RNF213: variants seen among roughly 807,000 people sequenced by gnomAD.
RNF213 encodes the protein ring finger protein 213.
In RNF213, 341 loss-of-function variants were observed where a neutral mutation model predicts 514.4. The ratio of observed to expected loss-of-function variants is 0.66; its 90% CI spans 0.61 to 0.73. The LOEUF (loss-of-function observed/expected upper bound fraction) is 0.73, where lower values mean the gene tolerates loss of function less well. Ranked by LOEUF, RNF213 falls within the 30% of genes least tolerant of loss-of-function variation. The pLI is 0.00. For synonymous variants in RNF213, 2,655 were observed against 2,658.2 expected (o/e 1.00, Z 0.04); for missense variants, 5,767 against 6,615.6 (o/e 0.87, Z 4.45).
At chr17:80,281,800 A>G (rs545792551) in intron 3 of RNF213, among the ~76,000 whole-genome samples, 3 of 152,292 alleles carry the variant, frequency 2.0e-5, no homozygotes, top group South Asian at 4.1e-4. Flanking sequence ...AGTCCCAGAT[A>G]TGAAACGGCG....
At chr17:80,328,010 C>T (rs762852403) in intron 19 of RNF213, 21 bp downstream of exon 19, 44 of 1,536,938 alleles carry the variant, frequency 2.9e-5, no homozygotes, top group Admixed American at 3.9e-5. Context: ...AGTCGATACG[C>T]ACTTCAGGCT....
chr17:80,319,129 C>T, intron 16 of RNF213, 61 bp from the exon 17 acceptor site: 1 of 1,613,744 alleles, frequency 6.2e-7, no homozygotes, highest in Non-Finnish European at 8.5e-7. Context: ...ATTTTCATCC[C>T]ATAGAGCACT....
intron 15 of RNF213, chr17:80,316,429 GAA>G (rs1568061204): frequency 6.6e-6 from 1 of 152,192 alleles, no homozygotes; most frequent in Admixed American, 6.5e-5. Flanking sequence ...AAAGAAAAAA[GAA>G]AAAAATGACC....
Position 80,379,689 on chromosome 17 carries a change from C to T in RNF213, c.13615C>T (p.Pro4539Ser), listed in dbSNP as rs1415521188. ...GCCGATTGGAGGCATTGACCACAAA[C>T]CTCGGGACGGCTTTCATCTGGTCAA... ...HAPIGGIDHKPRDGFHLVKDK... is the reference protein window; with the variant it reads ...HAPIGGIDHKSRDGFHLVKDK... The change falls in exon 55 of 68, where the codon CCT (proline) becomes TCT (serine). Residue 4539 changes from proline (P) to serine (S), a missense_variant. By Grantham distance (74) the Pro-to-Ser change is moderately conservative. This residue lies in a region of RNF213 where 1,245 missense variants were observed against 1,339.0 expected (regional missense o/e 0.93). Transcript: ENST00000582970. 5 of 1,614,210 alleles carry T rather than the reference C, an allele frequency of 3.1e-6. No homozygotes were observed. The highest frequency in any genetic ancestry group is 1.1e-5 in the South Asian group (1 of 91,092).
rs1322391803 is a variant in RNF213, at chr17:80,319,699, A to G, written c.3024+387A>G. ...AAGAGACTCCAAAGGTTGACAGAAC[A>G]TTTATGGAAGCAAAATATGTGAAAT... On this transcript the variant is annotated intron_variant, in intron 17 of 67. Transcript: ENST00000582970. 14 of 1,430,358 alleles carry G rather than the reference A, an allele frequency of 9.8e-6. No individual in the cohort carries two copies. The East Asian group carries it at 2.0e-4, about 21-fold the overall frequency. 88.6% of individuals were successfully genotyped at this position (1,430,358 alleles called of 1,614,324 possible). A position where few individuals can be genotyped will look rare whatever the true frequency, so the allele number is the denominator to read the frequency against.
chr17:80,335,854 G>A (rs940000228), intron 22 of RNF213, among the ~76,000 whole-genome samples: 1 of 151,858 alleles, frequency 6.6e-6, no homozygotes, highest in African/African-American at 2.4e-5. Flanking sequence ...GTGGGCGCCA[G>A]TAATCCCAGC....
intron 16 of RNF213, among the ~76,000 whole-genome samples, 169 bp from the exon 17 acceptor site, chr17:80,319,021 A>C (rs2046046146): frequency 6.6e-6 from 1 of 152,160 alleles, no homozygotes; most frequent in African/African-American, 2.4e-5. Context: ...CCTTTGGTCT[A>C]CTGGTGGGGG....
Position 80,332,447 on chromosome 17 carries a change from A to G in RNF213, c.3959A>G (p.Glu1320Gly), listed in dbSNP as rs779968162. The G allele has an allele frequency of 1.3e-6, 2 of 1,537,148 alleles. No individual in the cohort carries two copies. Among genetic ancestry groups the G allele is most frequent in the South Asian group, 2.4e-5 (2 of 84,066 alleles). ...FVNKYTDLDS[E>G]LKIMCTVDHQ... is the part of the protein sequence containing the mutation. ...AATAAATACACGGACCTGGATTCAG[A>G]ACTTAAGATCATGTGCACCGTGGAC... The change falls in exon 21 of 68, where the codon GAA (glutamate) becomes GGA (glycine). Residue 1320 changes from glutamate to glycine, a missense_variant. Transcript: ENST00000582970.
rs764615402 is a variant in RNF213, at chr17:80,353,759, C to T, written c.10578+93C>T. The T allele has an allele frequency of 2.4e-5, 37 of 1,539,840 alleles. No individual in the cohort carries two copies. The highest frequency in any genetic ancestry group is 1.5e-4 in the Admixed American group (9 of 59,442). On this transcript the variant is annotated intron_variant, in intron 34 of 67. Transcript: ENST00000582970. The surrounding 1 kb of genome is among the most constrained non-coding windows in gnomAD (Gnocchi z 5.0). ...CTTTTGCATTGGGAGCTAGAGGAGT[C>T]GCCGCCGCTGTGCAGGGGTGAGGAT...
Position 80,381,727 on chromosome 17 carries a change from A to G in RNF213, c.13978A>G (p.Arg4660Gly). The change falls in exon 57 of 68, where the codon AGG becomes GGG. Residue 4660 changes from arginine (R) to glycine (G), a missense_variant and splice_region_variant. By Grantham distance (125) the Arg-to-Gly change is moderately radical (BLOSUM62 -2). Around this residue, in one of 13 missense-constraint regions of RNF213, gnomAD observed 1,245 missense variants for 1,339.0 expected, o/e 0.93. Transcript: ENST00000582970. ...AGAGCAGCACCAGCTCTCTAGCAGA[A>G]GTGAGGAAAGGGGCAAGGGCTGGGC... is the stretch of plus-strand genomic sequence containing the variant. Reference protein sequence around the residue: ...LQEQHQLSSRRLLNFDTELST... With the variant: ...LQEQHQLSSRGLLNFDTELST... 1 of 1,612,996 alleles carries G rather than the reference A, an allele frequency of 6.2e-7. No homozygotes were observed. Among genetic ancestry groups the G allele is most frequent in the Non-Finnish European group, 8.5e-7 (1 of 1,179,790 alleles).
chr17:80,305,023 A>G lies in RNF213; in HGVS notation c.2211-1229A>G, dbSNP rs544489840. ...ATAATGTCAAGATTCATCCATCTCAATGAATTCTTTTTGTGTATTTATTTA... is the reference window on the plus strand; with the variant it reads ...ATAATGTCAAGATTCATCCATCTCAGTGAATTCTTTTTGTGTATTTATTTA... On this transcript the variant is annotated intron_variant, in intron 11 of 67. Coordinates refer to ENST00000582970, the MANE Select transcript of RNF213 (RefSeq NM_001256071.3). 5.9e-5 allele frequency among the ~76,000 whole-genome samples: 9 copies of G among 152,216 alleles called. 1 individual carries two copies. The highest frequency in any genetic ancestry group is 1.9e-4 in the East Asian group (1 of 5,182).
intron 1 of RNF213, among the ~76,000 whole-genome samples, chr17:80,261,405 T>G (rs1485177118): frequency 6.6e-6 from 1 of 152,190 alleles, no homozygotes; most frequent in African/African-American, 2.4e-5. Context: ...TCCTTCCGAC[T>G]TGGCGAAGTC....
intron 26 of RNF213, chr17:80,341,042 A>G (rs917370342): frequency 2.6e-5 from 4 of 152,252 alleles, no homozygotes; most frequent in African/African-American, 9.7e-5. Context: ...TGACCTCATG[A>G]TCTGCCCTCC....
In RNF213 at chr17:80,288,648, G is replaced by A; in HGVS notation, c.826G>A (p.Ala276Thr). 6.2e-7 allele frequency: 1 copy of A among 1,614,152 alleles called. No individual in the cohort carries two copies. The highest frequency in any genetic ancestry group is 8.5e-7 in the Non-Finnish European group (1 of 1,180,036). Residue 276 changes from alanine (A) to threonine (T), a missense_variant, in exon 5 of 68, where the codon GCT becomes ACT. Around this residue, in one of 13 missense-constraint regions of RNF213, gnomAD observed 509 missense variants for 496.7 expected, o/e 1.02. Transcript: ENST00000582970. The surrounding 1 kb of genome is among the most constrained non-coding windows in gnomAD (Gnocchi z 4.9). ...GGTCTTTCAGGCAGTTGATGCTGTA[G>A]CTGAGCCAGCCAATGCAGTTAAAGG... ...ASASMAVDAVAEPANAVKGAG... is the reference protein window; with the variant it reads ...ASASMAVDAVTEPANAVKGAG...
At position 80,294,721 on chromosome 17, in the gene RNF213, C is replaced by A; in HGVS notation, c.1473C>A (p.Asp491Glu). 6.2e-7 allele frequency: 1 copy of A among 1,613,934 alleles called. No individual in the cohort carries two copies. Among genetic ancestry groups the A allele is most frequent in the Non-Finnish European group, 8.5e-7 (1 of 1,180,046 alleles). Residue 491 changes from aspartate (D) to glutamate (E), a missense_variant and splice_region_variant, in exon 9 of 68, where the codon GAC becomes GAA. Physicochemically the swap from Asp to Glu is conservative, Grantham distance 45 (BLOSUM62 2). Coordinates refer to ENST00000582970, the MANE Select transcript of RNF213 (RefSeq NM_001256071.3). ...TCTTGTTCCTTCTGTCCCTCTTAGA[C>A]TGGCATCAGTACTATGACATAGTTT... ...FIKSSLLGSGDWHQYYDIVYM... is the reference protein window; with the variant it reads ...FIKSSLLGSGEWHQYYDIVYM...
chr17:80,307,978 C>T (rs141357091), intron 13 of RNF213, among the ~76,000 whole-genome samples: 1 of 151,908 alleles, frequency 6.6e-6, no homozygotes, highest in East Asian at 1.9e-4. Flanking sequence ...CATGATACTG[C>T]ATATGCCTGG....
chr17:80,385,204 C>T (rs781189057), intron 60 of RNF213, 33 bp downstream of exon 60: 2 of 1,613,952 alleles, frequency 1.2e-6, no homozygotes, highest in East Asian at 4.5e-5. Flanking sequence ...CCAGGACTGT[C>T]CCGCATTTGG....
chr17:80,312,977 G>A (rs1004457217), intron 14 of RNF213, 35 bp from the exon 15 acceptor site: 28 of 1,613,154 alleles, frequency 1.7e-5, no homozygotes, highest in Non-Finnish European at 2.1e-5. Flanking sequence ...GTCCACAGCC[G>A]AGGATGACTG....
intron 3 of RNF213, chr17:80,278,667 A>G: frequency 6.9e-7 from 1 of 1,449,710 alleles, no homozygotes; most frequent in Non-Finnish European, 9.3e-7. Context: ...CCTTCCCAAG[A>G]GGAGGTGGCC....
Sources: allele counts gnomAD v4.1 joint callset (sites outside exome capture counted in the v4.1 genomes callset), GRCh38; gene constraint gnomAD v4.1.1; regional missense constraint gnomAD v4.1.1; non-coding constraint Gnocchi (gnomAD v3.1); transcripts MANE v1.5; gene names NCBI Gene and HGNC (gene_info 2026-07-23, HGNC 2026-07-21).